Variants in NEBL observed in about 807,000 individuals in gnomAD.
The protein encoded by NEBL is LIM and SH3 protein 2.
In NEBL, 122 loss-of-function variants were observed where a neutral mutation model predicts 140.2. The observed-to-expected ratio is 0.87, with a 90% CI of 0.75 to 1.01. The LOEUF is 1.01. NEBL is among the 50% of genes least tolerant of loss of function. The probability of loss-of-function intolerance (pLI) is 0.00; values close to 1 mark genes in which losing one functional copy is unlikely to be tolerated. For missense variants in NEBL, 1,365 were observed against 1,231.3 expected, an observed-to-expected ratio of 1.11 and a Z score of -1.62; for synonymous variants, 436 against 398.9, an observed-to-expected ratio of 1.09 and a Z score of -1.11.
At chr10:21,113,111 G>A (rs1287899978) in intron 2 of NEBL, 3 of 242,310 alleles carry the variant, frequency 1.2e-5, no homozygotes, top group Non-Finnish European at 1.6e-5. Flanking sequence ...AGGAGGAGGC[G>A]GAGGAAGTGG....
intron 3 of NEBL, among the ~76,000 whole-genome samples, chr10:21,217,485 C>T (rs968616760): frequency 7.7e-6 from 1 of 129,392 alleles, no homozygotes; most frequent in East Asian, 1.9e-4. Context: ...CCAGCAAGTT[C>T]TAAATACGAC....
At chr10:20,848,381 CTAATT>C (rs1842154943) in intron 11 of NEBL, among the ~76,000 whole-genome samples, 1 of 152,168 alleles carries the variant, frequency 6.6e-6, no homozygotes, top group Non-Finnish European at 1.5e-5. Context: ...AAACAAATAA[CTAATT>C]TAATCAAAAT....
intron 2 of NEBL, among the ~76,000 whole-genome samples, chr10:21,158,517 C>G (rs528862448): frequency 6.6e-6 from 1 of 152,028 alleles, no homozygotes; most frequent in African/African-American, 2.4e-5. Context: ...GTGAGGAAAC[C>G]GAGGGATGGT....
intron 26 of NEBL, among the ~76,000 whole-genome samples, 194 bp downstream of exon 26, chr10:20,808,316 A>G (rs908082923): frequency 3.3e-5 from 5 of 152,068 alleles, no homozygotes; most frequent in African/African-American, 1.2e-4. Context: ...GGAAAATAAC[A>G]TGCAAAAATG....
At chr10:20,927,658 C>T (rs927220072) in intron 4 of NEBL, among the ~76,000 whole-genome samples, 2 of 152,122 alleles carry the variant, frequency 1.3e-5, no homozygotes, top group African/African-American at 4.8e-5. Context: ...AGTGTAAACA[C>T]AGAATAACTC....
upstream of NEBL, among the ~76,000 whole-genome samples, chr10:21,178,907 C>G (rs903321169): frequency 6.7e-4 from 102 of 152,212 alleles, no homozygotes; most frequent in Admixed American, 3.3e-4. Flanking sequence ...AAGGACAAGA[C>G]AGACCCTTTG....
At chr10:21,229,088 A>G (rs537302197) in intron 3 of NEBL, among the ~76,000 whole-genome samples, 36 of 152,282 alleles carry the variant, frequency 2.4e-4, no homozygotes, top group African/African-American at 8.7e-4. Context: ...TTACCTCCCT[A>G]TACTCTAATC....
In NEBL at chr10:20,869,517, G is replaced by C. The variant is rs570378481; in HGVS notation, c.582+223C>G. On this transcript the variant is annotated intron_variant, in intron 6 of 27. Coordinates refer to ENST00000377122, the MANE Select transcript of NEBL (RefSeq NM_006393.3). ...CTAAATAGTATTTATTTCTCTAAAA[G>C]TATGATGACACTAACCACAGCCAAT... Among the ~76,000 whole-genome samples the C allele has an allele frequency of 1.3e-4, 20 of 152,230 alleles. No homozygotes were observed. In the South Asian group the frequency reaches 4.1e-3, roughly 32 times the overall value.
At chr10:21,275,159 C>T (rs555011833) in intron 1 of NEBL, among the ~76,000 whole-genome samples, 7 of 152,290 alleles carry the variant, frequency 4.6e-5, no homozygotes, top group Admixed American at 2.6e-4. Flanking sequence ...AGCTTTATCG[C>T]GGCCTCATGA....
At chr10:20,932,995 G>A (rs1834271448) in intron 4 of NEBL, among the ~76,000 whole-genome samples, 1 of 152,140 alleles carries the variant, frequency 6.6e-6, no homozygotes, top group South Asian at 2.1e-4. Flanking sequence ...ATATCCAATT[G>A]CATAAATTAG....
At chr10:21,075,639 G>A (rs1032622113) in intron 2 of NEBL, among the ~76,000 whole-genome samples, 1 of 152,156 alleles carries the variant, frequency 6.6e-6, no homozygotes, top group Non-Finnish European at 1.5e-5. Flanking sequence ...TGTCTAGAGG[G>A]AGGCCCTCAT....
chr10:20,961,408 C>G (rs957236585), intron 4 of NEBL, among the ~76,000 whole-genome samples: 1 of 151,976 alleles, frequency 6.6e-6, no homozygotes, highest in South Asian at 2.1e-4. Context: ...TTATAAAAGG[C>G]CTATTTTGGA....
intron 2 of NEBL, among the ~76,000 whole-genome samples, chr10:21,083,968 C>G (rs1361585790): frequency 6.6e-6 from 1 of 152,242 alleles, no homozygotes; most frequent in African/African-American, 2.4e-5. Context: ...CTGGGCTTCT[C>G]TCATTTGTCC....
rs1837360770 is a variant in NEBL at position 20,989,036 on chromosome 10, T to C, written c.250-27257A>G. Among the ~76,000 whole-genome samples, 3 of 152,254 alleles carry C rather than the reference T, an allele frequency of 2.0e-5. No homozygotes were observed. The East Asian group carries it at 5.8e-4, about 29-fold the overall frequency. On this transcript the variant is annotated intron_variant, in intron 3 of 6. Coordinates refer to the NEBL transcript ENST00000417816. ...TTTTCATAACTAAATATTATCAGTA[T>C]GAATTTACAGTAAATGTCAAAACCA...
chr10:20,840,526 T>C (rs1841314386), intron 13 of NEBL, among the ~76,000 whole-genome samples: 1 of 152,062 alleles, frequency 6.6e-6, no homozygotes, highest in Non-Finnish European at 1.5e-5. Context: ...ATATGGATTT[T>C]CTCCAAAGTG....
intron 2 of NEBL, among the ~76,000 whole-genome samples, chr10:21,108,062 T>C (rs999058265): frequency 6.6e-6 from 1 of 152,124 alleles, no homozygotes; most frequent in Non-Finnish European, 1.5e-5. Context: ...CTCTCTTTTC[T>C]CTTTATTAGT....
intron 2 of NEBL, among the ~76,000 whole-genome samples, chr10:21,035,979 A>G (rs518712): frequency 0.61 from 91,887 of 151,756 alleles, 27,905 homozygotes; most frequent in East Asian, 0.72. Context: ...CCTGGCCAAC[A>G]TGGTGAAATC....
intron 12 of NEBL, among the ~76,000 whole-genome samples, chr10:20,844,375 T>G (rs1564375322): frequency 6.6e-6 from 1 of 150,772 alleles, no homozygotes; most frequent in Non-Finnish European, 1.5e-5. Context: ...AAATATATAT[T>G]ATATTGTGTA....
chr10:21,255,055 C>A (rs2132275508), intron 1 of NEBL, among the ~76,000 whole-genome samples: 1 of 152,194 alleles, frequency 6.6e-6, no homozygotes, highest in African/African-American at 2.4e-5. Flanking sequence ...CTATCAGACT[C>A]TGCTCCCTGC....
Sources: allele counts gnomAD v4.1 joint callset (sites outside exome capture counted in the v4.1 genomes callset), GRCh38; gene constraint gnomAD v4.1.1; transcripts MANE v1.5; gene names NCBI Gene and HGNC (gene_info 2026-07-23, HGNC 2026-07-21).